STK33: variants seen among roughly 807,000 people sequenced by gnomAD.
STK33 encodes serine/threonine-protein kinase 33.
In STK33, 52 loss-of-function variants were observed where a neutral mutation model predicts 58.0. That is an observed-to-expected ratio of 0.90 (90% CI 0.72 to 1.13). The LOEUF (loss-of-function observed/expected upper bound fraction) is 1.13. Among genes scored for constraint, STK33 ranks in the 50% most tolerant of loss-of-function variants. STK33 has a pLI of 0.00. For synonymous variants in STK33, 215 were observed against 200.1 expected (o/e 1.07, Z -0.63); for missense variants, 630 against 604.2 (o/e 1.04, Z -0.45).
the STK33 span, among the ~76,000 whole-genome samples, chr11:8,337,648 G>T: frequency 1.3e-5 from 2 of 148,702 alleles, no homozygotes; most frequent in African/African-American, 2.5e-5. Context: ...CGGGGGGCGG[G>T]GGGGGGGCCC....
At chr11:8,437,635 T>C (rs1944240896) in intron 12 of STK33, among the ~76,000 whole-genome samples, 2 of 151,714 alleles carry the variant, frequency 1.3e-5, no homozygotes, top group South Asian at 4.2e-4. Context: ...GTTACATTTT[T>C]ACTAATTTTC....
At chr11:8,504,961 C>T (rs1486034760) in intron 1 of STK33, among the ~76,000 whole-genome samples, 1 of 152,134 alleles carries the variant, frequency 6.6e-6, no homozygotes, top group Non-Finnish European at 1.5e-5. Flanking sequence ...GAAAATACTA[C>T]ACAATGGTGT....
At chr11:8,508,392 C>T (rs1476328196) in intron 1 of STK33, among the ~76,000 whole-genome samples, 2 of 150,992 alleles carry the variant, frequency 1.3e-5, no homozygotes, top group Non-Finnish European at 2.9e-5. Flanking sequence ...CCTGAGCCTC[C>T]CCAGTAGCTA....
intron 15 of STK33, among the ~76,000 whole-genome samples, chr11:8,397,894 G>C (rs1283542440): frequency 6.6e-6 from 1 of 152,160 alleles, no homozygotes; most frequent in Non-Finnish European, 1.5e-5. Context: ...AATGAAGCAA[G>C]AAGAGAAGTT....
intron 1 of STK33, among the ~76,000 whole-genome samples, chr11:8,570,397 A>G (rs1053063283): frequency 2.2e-4 from 34 of 152,252 alleles, no homozygotes; most frequent in African/African-American, 9.6e-5. Flanking sequence ...CTATGAATGA[A>G]TAACTCCAAT....
intron 1 of STK33, among the ~76,000 whole-genome samples, chr11:8,555,841 T>A (rs2140794472): frequency 6.6e-6 from 1 of 151,942 alleles, no homozygotes; most frequent in African/African-American, 2.4e-5. Flanking sequence ...TGATGTCAAT[T>A]AAAAATAATA....
intron 1 of STK33, among the ~76,000 whole-genome samples, chr11:8,571,383 A>T (rs1282541788): frequency 1.3e-5 from 2 of 152,206 alleles, no homozygotes; most frequent in African/African-American, 4.8e-5. Context: ...ATGGAAAGTA[A>T]ATTCAAGTTT....
chr11:8,422,353 C>T (rs1942046114), intron 14 of STK33, among the ~76,000 whole-genome samples: 1 of 152,094 alleles, frequency 6.6e-6, no homozygotes, highest in South Asian at 2.1e-4. Flanking sequence ...CAGCTACATC[C>T]AACTTGCTAA....
the STK33 span, among the ~76,000 whole-genome samples, chr11:8,385,860 C>T: frequency 1.2e-4 from 18 of 152,024 alleles, no homozygotes; most frequent in African/African-American, 4.1e-4. Context: ...CTGCAAGCTC[C>T]GCCTCCCGGG....
chr11:8,517,944 C>T (rs1247318960), intron 1 of STK33, among the ~76,000 whole-genome samples: 1 of 152,118 alleles, frequency 6.6e-6, no homozygotes, highest in African/African-American at 2.4e-5. Context: ...AGAACTTCCC[C>T]AACCTAGCAA....
At chr11:8,401,071 A>C (rs374692724) in intron 15 of STK33, among the ~76,000 whole-genome samples, 16,167 of 152,084 alleles carry the variant, frequency 0.11, 974 homozygotes, top group African/African-American at 0.14. Context: ...TCAATGCCAT[A>C]CCCATCAAGC....
At chr11:8,570,897 CA>C in intron 1 of STK33, among the ~76,000 whole-genome samples, 1 of 152,266 alleles carries the variant, frequency 6.6e-6, no homozygotes, top group East Asian at 1.9e-4. Flanking sequence ...TACACACACA[CA>C]CAGACACAGA....
intron 15 of STK33, among the ~76,000 whole-genome samples, chr11:8,394,711 T>G (rs949695675): frequency 2.0e-5 from 3 of 152,222 alleles, no homozygotes; most frequent in Non-Finnish European, 4.4e-5. Context: ...TATTTTCTTC[T>G]TGGATACAAT....
At chr11:8,559,717 TA>T (rs1235080812) in intron 1 of STK33, among the ~76,000 whole-genome samples, 1 of 152,170 alleles carries the variant, frequency 6.6e-6, no homozygotes, top group African/African-American at 2.4e-5. Flanking sequence ...ATAATTGCTG[TA>T]ATAAAAACTG....
chr11:8,445,477 T>A (rs970726230), intron 11 of STK33, among the ~76,000 whole-genome samples: 5 of 152,246 alleles, frequency 3.3e-5, no homozygotes, highest in African/African-American at 9.6e-5. Context: ...AGGGAATGCT[T>A]CCAGCTTTTG....
chr11:8,440,621 C>CTACTGT (rs1417589349), intron 12 of STK33, 57 bp downstream of exon 12: 7 of 1,406,604 alleles, frequency 5.0e-6, no homozygotes, highest in Non-Finnish European at 5.8e-6. Context: ...GTCTATATCA[C>CTACTGT]TCTACTGTTA....
intron 1 of STK33, among the ~76,000 whole-genome samples, chr11:8,519,872 G>T (rs1953225041): frequency 6.6e-6 from 1 of 152,150 alleles, no homozygotes; most frequent in Admixed American, 6.5e-5. Flanking sequence ...ACCAAAAAAA[G>T]TCCAGGACCA....
intron 6 of STK33, among the ~76,000 whole-genome samples, chr11:8,468,089 T>C (rs773986273): frequency 6.6e-6 from 1 of 152,168 alleles, no homozygotes; most frequent in African/African-American, 2.4e-5. Context: ...AAGAGGTTCA[T>C]TGGACTTACA....
chr11:8,540,795 T>C (rs374201170), intron 1 of STK33, among the ~76,000 whole-genome samples: 6 of 152,038 alleles, frequency 3.9e-5, no homozygotes, highest in African/African-American at 1.2e-4. Context: ...ATACCAGATA[T>C]GTAGGGTGAA....
Sources: allele counts gnomAD v4.1 joint callset (sites outside exome capture counted in the v4.1 genomes callset), GRCh38; gene constraint gnomAD v4.1.1; transcripts MANE v1.5; gene names NCBI Gene and HGNC (gene_info 2026-07-23, HGNC 2026-07-21).